The following KCNH1 variants were observed in gnomAD, a reference collection of about 807,000 sequenced individuals.
The protein encoded by KCNH1 is potassium voltage-gated channel subfamily H member 1, also known as voltage-gated delayed rectifier potassium channel KCNH1.
Under a neutral mutation model 69.2 loss-of-function variants are expected in KCNH1, and 27 were observed. The ratio of observed to expected loss-of-function variants is 0.39; its 90% CI spans 0.29 to 0.54. The LOEUF is 0.54. Among genes scored for constraint, KCNH1 ranks in the 20% least tolerant of loss-of-function variants. The pLI, the probability that KCNH1 is intolerant of heterozygous loss-of-function variation, is 0.68. For missense variants in KCNH1, 798 were observed against 1,261.6 expected, an observed-to-expected ratio of 0.63 and a Z score of 5.57; for synonymous variants, 456 against 487.7, an observed-to-expected ratio of 0.93 and a Z score of 0.86.
rs1164029264 is a variant in KCNH1 at position 210,986,315 on chromosome 1, A to G, written c.1032+32468T>C. On this transcript the variant is annotated intron_variant, in intron 6 of 10. Transcript: ENST00000271751. Reference sequence around the variant, plus strand: ...GTTAATATTGTTATGTGTGAATTTGATCCTGTCATTATGATGTTAGCTGAT... The same window carrying G: ...GTTAATATTGTTATGTGTGAATTTGGTCCTGTCATTATGATGTTAGCTGAT... Among the ~76,000 whole-genome samples, 3 of 152,198 alleles carry G rather than the reference A, an allele frequency of 2.0e-5. No homozygotes were observed. The East Asian group carries it at 5.8e-4, about 29-fold the overall frequency.
intron 5 of KCNH1, among the ~76,000 whole-genome samples, chr1:211,080,594 A>T (rs1690836189): frequency 6.6e-6 from 1 of 152,242 alleles, no homozygotes; most frequent in Admixed American, 6.5e-5. Context: ...TAACCAAAAC[A>T]GTGTGGTACT....
chr1:210,930,614 C>T lies in KCNH1; in HGVS notation c.1033-10545G>A, dbSNP rs148586015. On this transcript the variant is annotated intron_variant, in intron 6 of 10. Transcript: ENST00000271751. ...TAACATTGGAAAAAACCCTTCTAGA[C>T]ATTGACTTAGGCAAAGACTTCATGA... Among the ~76,000 whole-genome samples the T allele has an allele frequency of 8.6e-3, 1,304 of 152,244 alleles. 14 individuals carry two copies. The highest frequency in any genetic ancestry group is 0.028 in the African/African-American group (1,179 of 41,552).
chr1:210,925,651 A>G (rs373362322), intron 6 of KCNH1, among the ~76,000 whole-genome samples: 1 of 152,234 alleles, frequency 6.6e-6, no homozygotes, highest in African/African-American at 2.4e-5. Flanking sequence ...ACAGGCAGCC[A>G]TCATCCCCAC....
At chr1:210,899,184 C>T (rs924127485) in intron 7 of KCNH1, among the ~76,000 whole-genome samples, 5 of 152,154 alleles carry the variant, frequency 3.3e-5, no homozygotes, top group African/African-American at 1.2e-4. Context: ...CATTACTGTC[C>T]TTTTTGACTC....
At chr1:210,777,685 C>T (rs1332882877) in intron 9 of KCNH1, among the ~76,000 whole-genome samples, 1 of 152,114 alleles carries the variant, frequency 6.6e-6, no homozygotes, top group Non-Finnish European at 1.5e-5. Context: ...GCTCATGCAC[C>T]CTTCATATTT....
At chr1:210,982,295 G>A (rs1015839872) in intron 6 of KCNH1, among the ~76,000 whole-genome samples, 3 of 151,940 alleles carry the variant, frequency 2.0e-5, no homozygotes, top group African/African-American at 7.3e-5. Context: ...TTAGGGTAAA[G>A]TTTTAGGGTA....
At chr1:211,031,109 A>G (rs1468909087) in intron 5 of KCNH1, among the ~76,000 whole-genome samples, 1 of 152,152 alleles carries the variant, frequency 6.6e-6, no homozygotes, top group Non-Finnish European at 1.5e-5. Flanking sequence ...AGAATATTAT[A>G]AACACCTCTA....
chr1:210,902,146 C>T (rs1053296010), intron 7 of KCNH1, among the ~76,000 whole-genome samples: 11 of 152,172 alleles, frequency 7.2e-5, no homozygotes, highest in South Asian at 2.1e-4. Context: ...AGAGGGCACC[C>T]GCCCCTACCC....
intron 7 of KCNH1, among the ~76,000 whole-genome samples, chr1:210,848,642 C>T (rs998712872): frequency 2.0e-5 from 3 of 152,042 alleles, no homozygotes; most frequent in Non-Finnish European, 4.4e-5. Context: ...CATAAATCTG[C>T]GAGATAGTTG....
intron 5 of KCNH1, among the ~76,000 whole-genome samples, chr1:211,053,779 A>G (rs1690250998): frequency 6.6e-6 from 1 of 152,134 alleles, no homozygotes; most frequent in African/African-American, 2.4e-5. Context: ...TGGGGACCCA[A>G]TGGACTCCCA....
At chr1:211,072,724 GC>G (rs1181162267) in intron 5 of KCNH1, among the ~76,000 whole-genome samples, 2 of 151,886 alleles carry the variant, frequency 1.3e-5, no homozygotes, top group Non-Finnish European at 2.9e-5. Flanking sequence ...AATTTTTTTT[GC>G]ATTTTGATTG....
intron 6 of KCNH1, among the ~76,000 whole-genome samples, chr1:211,009,615 T>C (rs1689355789): frequency 6.6e-6 from 1 of 150,814 alleles, no homozygotes; most frequent in Admixed American, 6.6e-5. Context: ...CTTTTTTTTT[T>C]TCTTTTTTTT....
intron 7 of KCNH1, among the ~76,000 whole-genome samples, chr1:210,830,264 C>T (rs921596732): frequency 4.6e-5 from 7 of 152,212 alleles, no homozygotes; most frequent in African/African-American, 1.7e-4. Context: ...CAAGCATCAC[C>T]TCCCATGAGA....
intron 5 of KCNH1, among the ~76,000 whole-genome samples, chr1:211,047,123 A>T (rs1690106203): frequency 6.6e-6 from 1 of 152,104 alleles, no homozygotes; most frequent in Admixed American, 6.6e-5. Flanking sequence ...TCTGATATGC[A>T]TTTCACACCT....
intron 7 of KCNH1, among the ~76,000 whole-genome samples, chr1:210,846,005 G>A (rs368334390): frequency 6.7e-6 from 1 of 150,092 alleles, no homozygotes; most frequent in Non-Finnish European, 1.5e-5. Flanking sequence ...TAAAATACCT[G>A]GGAATCCAAC....
chr1:211,014,020 G>C (rs11583101), intron 6 of KCNH1, among the ~76,000 whole-genome samples: 1 of 151,974 alleles, frequency 6.6e-6, no homozygotes, highest in South Asian at 2.1e-4. Context: ...CTCTTGGCAA[G>C]TGTCAGCTGC....
intron 6 of KCNH1, among the ~76,000 whole-genome samples, chr1:210,922,109 C>T (rs1687471768): frequency 2.6e-5 from 4 of 151,616 alleles, no homozygotes; most frequent in South Asian, 2.1e-4. Context: ...GGGCCAGGCG[C>T]GGTGGCTCAT....
chr1:210,984,538 G>C (rs1558553715), intron 6 of KCNH1, among the ~76,000 whole-genome samples: 1 of 152,146 alleles, frequency 6.6e-6, no homozygotes, highest in African/African-American at 2.4e-5. Context: ...TAATCATGTG[G>C]TTTTTGTCAC....
intron 7 of KCNH1, among the ~76,000 whole-genome samples, chr1:210,907,765 GA>G (rs1484831563): frequency 1.3e-5 from 2 of 152,194 alleles, no homozygotes; most frequent in African/African-American, 4.8e-5. Flanking sequence ...TAGCAATTGA[GA>G]AATGATGTGG....
Sources: gnomAD v4.1 joint callset for allele counts (sites outside exome capture counted in the v4.1 genomes callset) on GRCh38, gnomAD v4.1.1 for gene constraint, MANE v1.5 for transcripts, NCBI Gene and HGNC (gene_info 2026-07-23, HGNC 2026-07-21) for gene names.